GRM5: variants seen among roughly 807,000 people sequenced by gnomAD.
GRM5 encodes the protein glutamate metabotropic receptor 5, also known as metabotropic glutamate receptor 5.
Under a neutral mutation model 83.1 loss-of-function variants are expected in GRM5, and 19 were observed. The observed-to-expected ratio is 0.23, with a 90% CI of 0.16 to 0.34. The LOEUF (loss-of-function observed/expected upper bound fraction) is 0.34, where lower values mean the gene tolerates loss of function less well. Among genes scored for constraint, GRM5 ranks in the 10% least tolerant of loss-of-function variants. GRM5 has a pLI of 1.00. For missense variants in GRM5, 1,160 were observed against 1,588.3 expected (o/e 0.73, Z 4.58); for synonymous variants, 675 against 633.6 (o/e 1.07, Z -0.98).
intron 4 of GRM5, among the ~76,000 whole-genome samples, chr11:88,607,955 T>C (rs1342616347): frequency 1.3e-5 from 2 of 152,242 alleles, no homozygotes; most frequent in Non-Finnish European, 2.9e-5. Context: ...GCCTAGGCTC[T>C]GTTTCAGTCT....
At chr11:89,035,683 C>A (rs1408031524) in intron 2 of GRM5, among the ~76,000 whole-genome samples, 3 of 151,846 alleles carry the variant, frequency 2.0e-5, no homozygotes, top group Non-Finnish European at 2.9e-5. Context: ...CGAAAATCCA[C>A]CTTGATATCA....
At chr11:89,036,915 G>T (rs2135133898) in intron 2 of GRM5, among the ~76,000 whole-genome samples, 1 of 152,152 alleles carries the variant, frequency 6.6e-6, no homozygotes, top group Non-Finnish European at 1.5e-5. Flanking sequence ...TTTACCCATA[G>T]TATTTGGTCC....
intron 4 of GRM5, among the ~76,000 whole-genome samples, chr11:88,650,848 G>T (rs1939612538): frequency 6.6e-6 from 1 of 151,894 alleles, no homozygotes; most frequent in Non-Finnish European, 1.5e-5. Flanking sequence ...ATGTTTAATA[G>T]TTATATGACT....
chr11:88,898,998 C>T (rs1371433685), intron 2 of GRM5, among the ~76,000 whole-genome samples: 1 of 151,822 alleles, frequency 6.6e-6, no homozygotes, highest in Non-Finnish European at 1.5e-5. Flanking sequence ...GGTATTCGAA[C>T]GAATCAAAGG....
chr11:88,802,862 A>C (rs11021366), intron 3 of GRM5, among the ~76,000 whole-genome samples: 5,092 of 151,802 alleles, frequency 0.034, 255 homozygotes, highest in African/African-American at 0.1. Flanking sequence ...TCAATATACA[A>C]AAATCACAAG....
intron 7 of GRM5, among the ~76,000 whole-genome samples, chr11:88,584,617 T>A (rs554270762): frequency 6.6e-6 from 1 of 152,176 alleles, no homozygotes; most frequent in East Asian, 1.9e-4. Flanking sequence ...TAATTTTTTG[T>A]ATGTTTAGTA....
intron 3 of GRM5, among the ~76,000 whole-genome samples, chr11:88,662,821 C>A (rs778330053): frequency 3.3e-4 from 50 of 152,114 alleles, no homozygotes; most frequent in South Asian, 4.1e-4. Flanking sequence ...AATGGAGACT[C>A]AAGCCTACAC....
chr11:89,008,893 A>T, intron 2 of GRM5: 1 of 496,794 alleles, frequency 2.0e-6, no homozygotes. Context: ...TTGCATTTTC[A>T]TTTGCCTCTG....
rs1476914153 is a variant in GRM5, at chr11:88,567,547, A to G, written c.2136T>C (p.Phe712=). 2 of 1,613,980 alleles carry G rather than the reference A, an allele frequency of 1.2e-6. No individual in the cohort carries two copies. Among genetic ancestry groups the G allele is most frequent in the South Asian group, 2.2e-5 (2 of 91,078 alleles). ...CIQLGIIVAL[F]IMEPPDIMHD... is the part of the protein sequence containing the mutation. ...GCATTATGTCAGGAGGCTCCATTATAAAGAGGGCAACGATGATGCCCAACT... is the reference window on the plus strand; with the variant it reads ...GCATTATGTCAGGAGGCTCCATTATGAAGAGGGCAACGATGATGCCCAACT... The change falls in exon 8 of 10, where the codon TTT becomes TTC. Residue 712 remains phenylalanine (F), a synonymous_variant. Transcript: ENST00000305447. The surrounding 1 kb of genome is among the most constrained non-coding windows in gnomAD (Gnocchi z 7.3).
rs928530915 is a variant in GRM5, at chr11:88,743,758, C to T, written c.912-90355G>A. 7.9e-5 allele frequency among the ~76,000 whole-genome samples: 12 copies of T among 152,200 alleles called. No homozygotes were observed. The East Asian group carries it at 2.1e-3, about 27-fold the overall frequency. On this transcript the variant is annotated intron_variant, in intron 3 of 9. Transcript: ENST00000305447. ...CAATCACATTGCATCGTATCAGAAACCTAATAACAATTTTCCACAAGTAGT... is the reference window on the plus strand; with the variant it reads ...CAATCACATTGCATCGTATCAGAAATCTAATAACAATTTTCCACAAGTAGT...
chr11:88,966,647 G>C (rs147093805), intron 2 of GRM5, among the ~76,000 whole-genome samples: 6 of 152,174 alleles, frequency 3.9e-5, no homozygotes, highest in South Asian at 2.1e-4. Context: ...GTATGTTATA[G>C]GCCACTGGAT....
rs116677706 is a variant in GRM5, at chr11:88,764,889, G to T, written c.911+85017C>A. The stretch of plus-strand genomic sequence containing the variant: ...ATAGAAAAGTAATAGAGACTAGAAA[G>T]ATTATAGAGAAAATCAATAAAACCA... On this transcript the variant is annotated intron_variant, in intron 3 of 9. Coordinates refer to ENST00000305447, the MANE Select transcript of GRM5 (RefSeq NM_001143831.3). Among the ~76,000 whole-genome samples, 1,167 of 151,422 alleles carry T rather than the reference G, an allele frequency of 7.7e-3. 13 individuals are homozygous for T. Among genetic ancestry groups the T allele is most frequent in the African/African-American group, 0.027 (1,108 of 41,416 alleles).
At chr11:88,912,060 T>C (rs1466864669) in intron 2 of GRM5, 5 of 467,802 alleles carry the variant, frequency 1.1e-5, no homozygotes, top group Non-Finnish European at 2.2e-5. Flanking sequence ...ACTGTAAGTA[T>C]TGGCGAAGTT....
chr11:88,524,129 C>G (rs1488680715), intron 9 of GRM5: 1 of 151,870 alleles, frequency 6.6e-6, no homozygotes, highest in African/African-American at 2.4e-5. Context: ...CTTCAACATT[C>G]TGGAACTGTT....
At chr11:88,721,810 A>T (rs1025814516) in intron 3 of GRM5, among the ~76,000 whole-genome samples, 10 of 152,176 alleles carry the variant, frequency 6.6e-5, no homozygotes, top group African/African-American at 2.4e-4. Context: ...CTTTTACTGA[A>T]ATCATCAAAT....
intron 7 of GRM5, among the ~76,000 whole-genome samples, chr11:88,583,879 C>T (rs2135197586): frequency 6.6e-6 from 1 of 152,238 alleles, no homozygotes; most frequent in African/African-American, 2.4e-5. Flanking sequence ...CTACATTTTT[C>T]TGAGAACTAA....
chr11:88,734,306 G>A (rs1941865913), intron 3 of GRM5, among the ~76,000 whole-genome samples: 1 of 151,926 alleles, frequency 6.6e-6, no homozygotes, highest in Non-Finnish European at 1.5e-5. Flanking sequence ...TCTCACACCT[G>A]TTATTATTAT....
intron 9 of GRM5, among the ~76,000 whole-genome samples, chr11:88,521,989 A>G (rs746454645): frequency 1.2e-4 from 19 of 152,308 alleles, no homozygotes; most frequent in Admixed American, 2.0e-4. Context: ...TTCATAGAGT[A>G]CTGTCCATTC....
intron 2 of GRM5, among the ~76,000 whole-genome samples, chr11:88,926,774 C>T (rs552599974): frequency 1.3e-5 from 2 of 152,256 alleles, no homozygotes; most frequent in Non-Finnish European, 2.9e-5. Context: ...AAAATGTTAA[C>T]CCTATGAGGG....
Sources: allele counts gnomAD v4.1 joint callset (sites outside exome capture counted in the v4.1 genomes callset), GRCh38; gene constraint gnomAD v4.1.1; non-coding constraint Gnocchi (gnomAD v3.1); transcripts MANE v1.5; gene names NCBI Gene and HGNC (gene_info 2026-07-23, HGNC 2026-07-21).